MAMDC2: variants seen among roughly 807,000 people sequenced by gnomAD.
MAMDC2 encodes MAM domain containing 2.
A neutral mutation model predicts 89.8 loss-of-function variants in MAMDC2; 57 were observed. The observed-to-expected ratio is 0.63, with a 90% CI of 0.51 to 0.79. The LOEUF is 0.79. MAMDC2 is among the 30% of genes least tolerant of loss of function. The pLI is 0.00. For missense variants in MAMDC2, 800 were observed against 820.6 expected, an observed-to-expected ratio of 0.97 and a Z score of 0.31; for synonymous variants, 313 against 293.4, an observed-to-expected ratio of 1.07 and a Z score of -0.68.
chr9:70,174,926 G>A (rs370291477), intron 11 of MAMDC2, among the ~76,000 whole-genome samples: 6 of 152,030 alleles, frequency 3.9e-5, no homozygotes, highest in South Asian at 4.2e-4. Context: ...GGGTTTTGCC[G>A]TGTTGGTCAG....
chr9:70,081,172 A>G (rs1344193683), intron 2 of MAMDC2, among the ~76,000 whole-genome samples: 1 of 152,134 alleles, frequency 6.6e-6, no homozygotes, highest in Non-Finnish European at 1.5e-5. Flanking sequence ...AAGGGGAAGA[A>G]GGGCAGGCCA....
intron 11 of MAMDC2, among the ~76,000 whole-genome samples, chr9:70,185,759 T>G (rs2032742017): frequency 6.6e-6 from 1 of 152,176 alleles, no homozygotes; most frequent in South Asian, 2.1e-4. Flanking sequence ...CAGGTCAACA[T>G]CAGACTGCTA....
chr9:70,151,408 G>A (rs545011656), intron 9 of MAMDC2, among the ~76,000 whole-genome samples: 14 of 152,222 alleles, frequency 9.2e-5, no homozygotes, highest in Non-Finnish European at 1.9e-4. Flanking sequence ...TGTCGGTCTT[G>A]TTCATCTCTG....
intron 9 of MAMDC2, among the ~76,000 whole-genome samples, chr9:70,161,326 T>C (rs1374317056): frequency 6.6e-6 from 1 of 152,212 alleles, no homozygotes; most frequent in African/African-American, 2.4e-5. Context: ...ACTTTCACAC[T>C]GAGAAAAGCT....
At chr9:70,044,441 T>C (rs1826687370) in intron 1 of MAMDC2, 143 bp from the exon 2 acceptor site, 1 of 800,010 alleles carries the variant, frequency 1.2e-6, no homozygotes. Context: ...CCGGGGATGC[T>C]GGGGGACAGG....
At chr9:70,077,141 G>T (rs933596588) in intron 2 of MAMDC2, among the ~76,000 whole-genome samples, 5 of 152,192 alleles carry the variant, frequency 3.3e-5, no homozygotes, top group African/African-American at 1.2e-4. Flanking sequence ...GTTCTCTTAT[G>T]GTTAGTAGTG....
chr9:70,127,248 A>AT (rs1006945846), intron 6 of MAMDC2, among the ~76,000 whole-genome samples: 3 of 152,092 alleles, frequency 2.0e-5, no homozygotes, highest in Admixed American at 6.6e-5. Flanking sequence ...GAAATTGGAC[A>AT]TTTTTTTCTA....
At chr9:70,144,392 TAA>T (rs2031327969) in intron 9 of MAMDC2, among the ~76,000 whole-genome samples, 2 of 152,224 alleles carry the variant, frequency 1.3e-5, no homozygotes, top group African/African-American at 4.8e-5. Flanking sequence ...AATGAGAATA[TAA>T]AAAGAGATCT....
chr9:70,223,383 T>C (rs1403063965), intron 12 of MAMDC2, among the ~76,000 whole-genome samples: 3 of 152,194 alleles, frequency 2.0e-5, no homozygotes, highest in African/African-American at 7.2e-5. Context: ...ATAGAATGTA[T>C]ATACCTGTCG....
chr9:70,144,075 A>C (rs1398534198), intron 9 of MAMDC2, among the ~76,000 whole-genome samples: 1 of 152,234 alleles, frequency 6.6e-6, no homozygotes, highest in Non-Finnish European at 1.5e-5. Context: ...TAATTCAAAG[A>C]CTGAGAGTAC....
chr9:70,064,953 A>G (rs1587438167), intron 2 of MAMDC2, among the ~76,000 whole-genome samples: 1 of 152,222 alleles, frequency 6.6e-6, no homozygotes, highest in African/African-American at 2.4e-5. Flanking sequence ...ATGCCAAGCC[A>G]TTGTAACTTG....
chr9:70,216,914 T>G (rs1208738867), intron 11 of MAMDC2, among the ~76,000 whole-genome samples: 1 of 152,196 alleles, frequency 6.6e-6, no homozygotes, highest in East Asian at 1.9e-4. Context: ...GTCCAATTTC[T>G]GTAGTTTAAA....
chr9:70,209,372 T>G (rs1314923347), intron 11 of MAMDC2, among the ~76,000 whole-genome samples: 1 of 152,218 alleles, frequency 6.6e-6, no homozygotes, highest in African/African-American at 2.4e-5. Context: ...GGCATATGTG[T>G]TGAGGAATTT....
chr9:70,126,235 G>A lies in MAMDC2; in HGVS notation c.720G>A (p.Thr240=). The A allele has an allele frequency of 6.2e-7, 1 of 1,614,014 alleles. No individual in the cohort carries two copies. The change falls in exon 6 of 14, where the codon ACG becomes ACA. Residue 240 remains threonine (T), a synonymous_variant. Coordinates refer to ENST00000377182, the MANE Select transcript of MAMDC2 (RefSeq NM_153267.5). ...CACAGCTCATCTCCCCGTTGACCAC[G>A]GCCCCCATGGCTGGCTGCCTGTCAT... ...EVAQLISPLT[T]APMAGCLSFY...
chr9:70,118,337 C>T (rs900098915), intron 5 of MAMDC2, among the ~76,000 whole-genome samples: 27 of 100,670 alleles, frequency 2.7e-4, no homozygotes, highest in African/African-American at 8.1e-4. Context: ...CACACACACA[C>T]ACACACACAC....
chr9:70,174,890 CA>C (rs2032450800), intron 11 of MAMDC2, among the ~76,000 whole-genome samples: 1 of 151,918 alleles, frequency 6.6e-6, no homozygotes, highest in South Asian at 2.1e-4. Flanking sequence ...CATGCTCACT[CA>C]TTTTTGTATT....
intron 12 of MAMDC2, among the ~76,000 whole-genome samples, chr9:70,220,507 C>A (rs1564004912): frequency 3.3e-5 from 5 of 152,180 alleles, no homozygotes; most frequent in Non-Finnish European, 5.9e-5. Context: ...TCCAAAACAT[C>A]CTAGTGTCTA....
intron 2 of MAMDC2, among the ~76,000 whole-genome samples, chr9:70,054,708 C>T (rs1367202474): frequency 6.6e-6 from 1 of 152,042 alleles, no homozygotes; most frequent in Non-Finnish European, 1.5e-5. Flanking sequence ...GGATTAGATC[C>T]AAGTTCCACT....
At chr9:70,089,062 A>G (rs1318349296) in intron 2 of MAMDC2, 1 of 152,134 alleles carries the variant, frequency 6.6e-6, no homozygotes, top group Admixed American at 6.6e-5. Context: ...TAAGGCTTGG[A>G]GGAGGTTGAT....
Sources: allele counts gnomAD v4.1 joint callset (sites outside exome capture counted in the v4.1 genomes callset), GRCh38; gene constraint gnomAD v4.1.1; transcripts MANE v1.5; gene names NCBI Gene and HGNC (gene_info 2026-07-23, HGNC 2026-07-21).